Variants in GNA14 observed in about 807,000 individuals in gnomAD.
GNA14 encodes guanine nucleotide-binding protein subunit alpha-14.
GNA14 carries 50 observed loss-of-function variants against 42.0 expected under a neutral mutation model. That is an observed-to-expected ratio of 1.19 (90% confidence interval 0.95 to 1.51). GNA14 has a LOEUF of 1.51. Among genes scored for constraint, GNA14 ranks in the 40% most tolerant of loss-of-function variants. The pLI, the probability that GNA14 is intolerant of heterozygous loss-of-function variation, is 0.00. For missense variants in GNA14, 473 were observed against 446.2 expected (o/e 1.06, Z -0.54); for synonymous variants, 173 against 163.1 (o/e 1.06, Z -0.46).
In GNA14 at chr9:77,436,863, A is replaced by G. The variant is rs144259367; in HGVS notation, c.310-2341T>C. Among the ~76,000 whole-genome samples the G allele has an allele frequency of 2.6e-3, 397 of 152,332 alleles. 3 individuals carry two copies. The highest frequency in any genetic ancestry group is 9.0e-3 in the African/African-American group (376 of 41,574). Reference sequence around the variant, plus strand: ...TCTGTGGTGCATGTAAAATCCACCTACCTAACAAGACAGAAAATTATGACA... The same window carrying G: ...TCTGTGGTGCATGTAAAATCCACCTGCCTAACAAGACAGAAAATTATGACA... On this transcript the variant is annotated intron_variant, in intron 2 of 6. Coordinates refer to ENST00000341700, the MANE Select transcript of GNA14 (RefSeq NM_004297.4).
intron 2 of GNA14, among the ~76,000 whole-genome samples, chr9:77,481,807 C>T (rs1356790485): frequency 6.6e-6 from 1 of 152,148 alleles, no homozygotes; most frequent in Non-Finnish European, 1.5e-5. Flanking sequence ...TATGTAATGG[C>T]CTTCTTTGTC....
chr9:77,647,783 C>A lies in GNA14; in HGVS notation c.11G>T (p.Cys4Phe). 2 of 1,609,156 alleles carry A rather than the reference C, an allele frequency of 1.2e-6. No homozygotes were observed. Among genetic ancestry groups the A allele is most frequent in the Non-Finnish European group, 1.7e-6 (2 of 1,178,750 alleles). ...CTTCTCCTCCGCGGACAGGCAGCAG[C>A]AGCCGGCCATGGTGCGCTCAGCTCA... MAG[C>F]CCLSAEEKES... The change falls in exon 1 of 7, where the codon TGC becomes TTC. Residue 4 changes from cysteine (C) to phenylalanine (F), a missense_variant. Cys to Phe is a radical substitution (Grantham distance 205, BLOSUM62 -2). Transcript: ENST00000341700.
intron 3 of GNA14, among the ~76,000 whole-genome samples, chr9:77,432,209 G>A (rs1394738016): frequency 2.6e-5 from 4 of 151,852 alleles, no homozygotes; most frequent in Admixed American, 1.3e-4. Flanking sequence ...TGCAGAGCCC[G>A]CTGCATGCTG....
chr9:77,514,031 A>C (rs578098623), intron 2 of GNA14, among the ~76,000 whole-genome samples: 1 of 152,086 alleles, frequency 6.6e-6, no homozygotes, highest in Non-Finnish European at 1.5e-5. Flanking sequence ...TCACAGACTT[A>C]ACTTTTCCTG....
At chr9:77,459,818 G>T (rs968558151) in intron 2 of GNA14, among the ~76,000 whole-genome samples, 7 of 152,080 alleles carry the variant, frequency 4.6e-5, no homozygotes, top group African/African-American at 1.2e-4. Context: ...CACAGCCCAC[G>T]GGGCCTAGAA....
At chr9:77,488,784 T>TAAAAAAAAAAAAAAAAAAA (rs67416479) in intron 2 of GNA14, among the ~76,000 whole-genome samples, 4 of 53,684 alleles carry the variant, frequency 7.5e-5, no homozygotes, top group Non-Finnish European at 9.7e-5. Flanking sequence ...CACACCTAAT[T>TAAAAAAAAAAAAAAAAAAA]AAAAAAAAAA....
rs950702850 is a variant in GNA14, at chr9:77,448,208, G to A, written c.310-13686C>T. Among the ~76,000 whole-genome samples the A allele has an allele frequency of 5.9e-5, 9 of 152,164 alleles. No homozygotes were observed. The South Asian group carries it at 6.2e-4, about 11-fold the overall frequency. ...GTATGGTCCACCAAGGCTAAATCAC[G>A]TACTATCTAGCCATTTACAGAAAAT... On this transcript the variant is annotated intron_variant, in intron 2 of 6. Coordinates refer to ENST00000341700, the MANE Select transcript of GNA14 (RefSeq NM_004297.4).
In GNA14 at chr9:77,431,423, G is replaced by A. The variant is rs1382330556; in HGVS notation, c.491C>T (p.Ala164Val). 2 of 1,613,532 alleles carry A rather than the reference G, an allele frequency of 1.2e-6. No individual in the cohort carries two copies. Among genetic ancestry groups the A allele is most frequent in the African/African-American group, 2.7e-5 (2 of 74,910 alleles). Residue 164 changes from alanine to valine, a missense_variant, in exon 4 of 7, where the codon GCC (alanine) becomes GTC (valine). Physicochemically the swap from Ala to Val is moderately conservative, Grantham distance 64 (BLOSUM62 0). Coordinates refer to ENST00000341700, the MANE Select transcript of GNA14 (RefSeq NM_004297.4). ...TTGGGTAGGCACGAATGATGGTGTG[G>A]CGATGCGGTCAATGTCAGTCAGGTA... ...KYYLTDIDRI[A>V]TPSFVPTQQD... is the part of the protein sequence containing the mutation.
At chr9:77,515,404 T>C (rs1311637589) in intron 2 of GNA14, among the ~76,000 whole-genome samples, 1 of 152,170 alleles carries the variant, frequency 6.6e-6, no homozygotes, top group East Asian at 1.9e-4. Context: ...GAGGTCACTG[T>C]GGTTGAAGCT....
chr9:77,441,004 C>G (rs956752287), intron 2 of GNA14, among the ~76,000 whole-genome samples: 1 of 152,194 alleles, frequency 6.6e-6, no homozygotes, highest in Non-Finnish European at 1.5e-5. Flanking sequence ...GCGTGAGCCA[C>G]CGCGCCCAGC....
At chr9:77,452,478 G>A (rs1215921661) in intron 2 of GNA14, among the ~76,000 whole-genome samples, 1 of 149,736 alleles carries the variant, frequency 6.7e-6, no homozygotes, top group Non-Finnish European at 1.5e-5. Context: ...AAAGTTCCTT[G>A]ATCAAATTAG....
intron 1 of GNA14, among the ~76,000 whole-genome samples, chr9:77,563,354 A>T (rs1358360618): frequency 1.3e-5 from 2 of 152,148 alleles, no homozygotes; most frequent in Admixed American, 1.3e-4. Flanking sequence ...TCCAGGACAA[A>T]TGAATGAAGC....
chr9:77,492,444 G>A (rs1169310799), intron 2 of GNA14, among the ~76,000 whole-genome samples: 1 of 151,680 alleles, frequency 6.6e-6, no homozygotes, highest in Non-Finnish European at 1.5e-5. Flanking sequence ...AGAGAGAGAA[G>A]ATGCAAATAA....
intron 1 of GNA14, among the ~76,000 whole-genome samples, chr9:77,645,816 CTG>C (rs999963277): frequency 1.3e-5 from 2 of 152,202 alleles, no homozygotes; most frequent in Admixed American, 6.5e-5. Flanking sequence ...ATTCTGGACA[CTG>C]TACTTCATAC....
At chr9:77,564,338 C>G (rs561604654) in intron 1 of GNA14, among the ~76,000 whole-genome samples, 179 of 151,344 alleles carry the variant, frequency 1.2e-3, no homozygotes, top group Non-Finnish European at 2.3e-3. Context: ...GACAAGGGAT[C>G]TCTCTGTCGC....
At chr9:77,501,347 C>T (rs549323825) in intron 2 of GNA14, among the ~76,000 whole-genome samples, 1 of 152,338 alleles carries the variant, frequency 6.6e-6, no homozygotes, top group African/African-American at 2.4e-5. Context: ...AGTTCCTCCA[C>T]ATTACCCCCA....
intron 2 of GNA14, among the ~76,000 whole-genome samples, chr9:77,465,955 T>C (rs1440065117): frequency 6.6e-6 from 1 of 152,236 alleles, no homozygotes; most frequent in Non-Finnish European, 1.5e-5. Flanking sequence ...CTTCTATTTT[T>C]CCAGTGGGAA....
chr9:77,445,214 G>T (rs892044388), intron 2 of GNA14, among the ~76,000 whole-genome samples: 1 of 152,164 alleles, frequency 6.6e-6, no homozygotes, highest in Non-Finnish European at 1.5e-5. Flanking sequence ...TGTATGGAGC[G>T]GGGGTACGAG....
chr9:77,497,419 G>A (rs905035878), intron 2 of GNA14, among the ~76,000 whole-genome samples: 4 of 152,068 alleles, frequency 2.6e-5, no homozygotes, highest in Non-Finnish European at 5.9e-5. Context: ...GACCACTCAG[G>A]ACACTGAGTC....
Sources: allele counts gnomAD v4.1 joint callset (sites outside exome capture counted in the v4.1 genomes callset), GRCh38; gene constraint gnomAD v4.1.1; transcripts MANE v1.5; gene names NCBI Gene and HGNC (gene_info 2026-07-23, HGNC 2026-07-21).